VAV1: variants seen among roughly 807,000 people sequenced by gnomAD.
VAV1 encodes the protein proto-oncogene vav.
In VAV1, 33 loss-of-function variants were observed where a neutral mutation model predicts 128.1. That is an observed-to-expected ratio of 0.26 (90% CI 0.20 to 0.34). The LOEUF (loss-of-function observed/expected upper bound fraction) is 0.34, where lower values mean the gene tolerates loss of function less well. Among genes scored for constraint, VAV1 ranks in the 10% least tolerant of loss-of-function variants. The probability of loss-of-function intolerance (pLI) is 1.00; values close to 1 mark genes in which losing one functional copy is unlikely to be tolerated. For missense variants in VAV1, 715 were observed against 1,093.7 expected (o/e 0.65, Z 4.88); for synonymous variants, 394 against 409.8 (o/e 0.96, Z 0.47).
At position 6,826,550 on chromosome 19, in the gene VAV1, CCA is replaced by C; in HGVS notation, c.828-61_828-60del. On this transcript the variant is annotated intron_variant, in intron 8 of 26. Coordinates refer to ENST00000602142, the MANE Select transcript of VAV1 (RefSeq NM_005428.4). The surrounding 1 kb of genome is among the most constrained non-coding windows in gnomAD (Gnocchi z 4.1). ...GGGAAGAGCAAGGCCAGGGCTGACG[CCA>C]GCCTCTGCCCGACCTTGATGCCAGT... The C allele has an allele frequency of 7.5e-7, 1 of 1,340,574 alleles. No individual in the cohort carries two copies. The highest frequency in any genetic ancestry group is 1.0e-6 in the Non-Finnish European group (1 of 959,142). 83.0% of individuals were successfully genotyped at this position (1,340,574 alleles called of 1,614,324 possible).
intron 1 of VAV1, among the ~76,000 whole-genome samples, chr19:6,785,283 C>T (rs753038721): frequency 6.6e-6 from 1 of 151,614 alleles, no homozygotes; most frequent in Non-Finnish European, 1.5e-5. Context: ...GTGATCCTCT[C>T]GCCTCTGCCT....
At chr19:6,825,754 G>C (rs1039882161) in intron 8 of VAV1, among the ~76,000 whole-genome samples, 1 of 152,190 alleles carries the variant, frequency 6.6e-6, no homozygotes, top group Non-Finnish European at 1.5e-5. Flanking sequence ...GCCAGGTGTG[G>C]TGGCTAATGC....
chr19:6,817,811 C>T (rs549916706), intron 1 of VAV1, among the ~76,000 whole-genome samples: 34 of 152,010 alleles, frequency 2.2e-4, no homozygotes, highest in Admixed American at 1.4e-3. Context: ...CTCAGCCTCC[C>T]GAGTAGCTGG....
intron 1 of VAV1, among the ~76,000 whole-genome samples, chr19:6,780,971 C>T (rs566696413): frequency 1.1e-4 from 15 of 140,678 alleles, no homozygotes; most frequent in Admixed American, 5.5e-4. Context: ...TGCATTGGCA[C>T]GATCTCTGCT....
At chr19:6,827,344 C>G (rs1042361702) in intron 9 of VAV1, among the ~76,000 whole-genome samples, 45 of 152,140 alleles carry the variant, frequency 3.0e-4, no homozygotes, top group African/African-American at 1.1e-3. Context: ...CATAGCTCAC[C>G]ACAGCCTCGA....
In VAV1 at chr19:6,772,804, A is replaced by G; in HGVS notation, c.-4A>G. On this transcript the variant is annotated 5_prime_UTR_variant, in exon 1 of 27. Transcript: ENST00000602142. The surrounding 1 kb of genome is among the most constrained non-coding windows in gnomAD (Gnocchi z 4.8). ...GCACGGCCGGCCCTGGGCAGGCGGT[A>G]GCCATGGAGCTGTGGCGCCAATGCA... The G allele has an allele frequency of 1.9e-6, 3 of 1,612,560 alleles. No homozygotes were observed. Among genetic ancestry groups the G allele is most frequent in the Non-Finnish European group, 2.5e-6 (3 of 1,179,498 alleles).
At chr19:6,839,179 G>A (rs943629866) in intron 21 of VAV1, among the ~76,000 whole-genome samples, 1 of 151,396 alleles carries the variant, frequency 6.6e-6, no homozygotes, top group East Asian at 1.9e-4. Context: ...GGGATTACAG[G>A]TGTGAGCCAC....
intron 23 of VAV1, among the ~76,000 whole-genome samples, chr19:6,848,650 G>T (rs1332536491): frequency 6.6e-6 from 1 of 151,902 alleles, no homozygotes; most frequent in Non-Finnish European, 1.5e-5. Flanking sequence ...TGATCCACCC[G>T]CCTCGGCCTC....
chr19:6,826,671 G>T lies in VAV1; in HGVS notation c.887G>T (p.Arg296Leu). The T allele has an allele frequency of 6.4e-7, 1 of 1,561,194 alleles. No homozygotes were observed. The highest frequency in any genetic ancestry group is 8.7e-7 in the Non-Finnish European group (1 of 1,154,312). ...QVESASKHLD[R>L]VAAAREDVQM... ...GAGTCAGCCAGCAAACACCTGGACC[G>T]TGTGGCCGCAGCCCGGGAGGACGTG... The change falls in exon 9 of 27, where the codon CGT (arginine) becomes CTT (leucine). Residue 296 changes from arginine to leucine, a missense_variant. By Grantham distance (102) the Arg-to-Leu change is moderately radical (BLOSUM62 -2). This residue lies in a region of VAV1 where 302 missense variants were observed against 477.8 expected (regional missense o/e 0.63). Transcript: ENST00000602142. This position sits in a 1 kb window ranked among gnomAD's most constrained non-coding sequence, Gnocchi z 4.1.
chr19:6,850,645 G>C, intron 23 of VAV1, 25 bp from the exon 24 acceptor site: 4 of 1,612,510 alleles, frequency 2.5e-6, no homozygotes, highest in Non-Finnish European at 3.4e-6. Flanking sequence ...CCCAGACTCA[G>C]GGCCCGGTGA....
chr19:6,805,587 C>T (rs1156996831), intron 1 of VAV1, among the ~76,000 whole-genome samples: 3 of 134,144 alleles, frequency 2.2e-5, no homozygotes, highest in African/African-American at 8.2e-5. Flanking sequence ...TACAGATACA[C>T]ACACACACAC....
intron 26 of VAV1, among the ~76,000 whole-genome samples, chr19:6,855,882 A>G (rs530706867): frequency 3.9e-5 from 6 of 152,290 alleles, no homozygotes; most frequent in Admixed American, 2.6e-4. Flanking sequence ...CCACCTACCC[A>G]TCAATCCAAT....
rs1301161213 is a variant in VAV1, at chr19:6,822,979, T to C, written c.654+465T>C. On this transcript the variant is annotated intron_variant, in intron 6 of 26. Coordinates refer to ENST00000602142, the MANE Select transcript of VAV1 (RefSeq NM_005428.4). This position sits in a 1 kb window ranked among gnomAD's most constrained non-coding sequence, Gnocchi z 5.9. ...AAATAATATATACAATATATAAATA[T>C]ATAAAATATAAAATGTAGATATATT... is the stretch of plus-strand genomic sequence containing the variant. 6.8e-6 allele frequency among the ~76,000 whole-genome samples: 1 copy of C among 147,626 alleles called. No homozygotes were observed. The highest frequency in any genetic ancestry group is 2.5e-5 in the African/African-American group (1 of 40,742).
At position 6,820,863 on chromosome 19, in the gene VAV1, T is replaced by C. The variant is rs1202694027; in HGVS notation, c.321+45T>C. 25 of 1,561,840 alleles carry C rather than the reference T, an allele frequency of 1.6e-5. No homozygotes were observed. The highest frequency in any genetic ancestry group is 1.7e-4 in the Middle Eastern group (1 of 5,990). ...CCCAAAGACTGAGTTTCAGTTAATT[T>C]CTATTGACGTCTACACTGGGCAAGC... On this transcript the variant is annotated intron_variant, in intron 2 of 26. Transcript: ENST00000602142. This position sits in a 1 kb window ranked among gnomAD's most constrained non-coding sequence, Gnocchi z 4.4.
At chr19:6,785,521 G>A (rs768268673) in intron 1 of VAV1, among the ~76,000 whole-genome samples, 4 of 151,790 alleles carry the variant, frequency 2.6e-5, no homozygotes, top group South Asian at 2.1e-4. Context: ...TAGTAGAGAC[G>A]GAGTTTCACC....
intron 1 of VAV1, among the ~76,000 whole-genome samples, chr19:6,804,804 A>G (rs1295726246): frequency 6.6e-6 from 1 of 150,872 alleles, no homozygotes; most frequent in Non-Finnish European, 1.5e-5. Flanking sequence ...GCTCACTGCA[A>G]GCTCTGCCTC....
At chr19:6,829,398 CAG>C (rs960997541) in intron 13 of VAV1, among the ~76,000 whole-genome samples, 1 of 150,340 alleles carries the variant, frequency 6.7e-6, no homozygotes, top group Non-Finnish European at 1.5e-5. Context: ...GGAGCCAACA[CAG>C]ATCTGGGGTG....
intron 22 of VAV1, among the ~76,000 whole-genome samples, chr19:6,845,341 C>T (rs1972494489): frequency 1.3e-5 from 2 of 151,946 alleles, no homozygotes; most frequent in South Asian, 2.1e-4. Flanking sequence ...GCCGAGATTG[C>T]GCCATTGCAC....
intron 1 of VAV1, among the ~76,000 whole-genome samples, chr19:6,800,937 T>C (rs1178809012): frequency 6.6e-6 from 1 of 152,162 alleles, no homozygotes; most frequent in Non-Finnish European, 1.5e-5. Context: ...GCTCACCATC[T>C]CTTTGTCGCC....
Sources: allele counts gnomAD v4.1 joint callset (sites outside exome capture counted in the v4.1 genomes callset), GRCh38; gene constraint gnomAD v4.1.1; regional missense constraint gnomAD v4.1.1; non-coding constraint Gnocchi (gnomAD v3.1); transcripts MANE v1.5; gene names NCBI Gene and HGNC (gene_info 2026-07-23, HGNC 2026-07-21).